SHQ1: variants seen among roughly 807,000 people sequenced by gnomAD.
SHQ1 encodes protein SHQ1 homolog.
Under a neutral mutation model 53.8 loss-of-function variants are expected in SHQ1, and 49 were observed. The ratio of observed to expected loss-of-function variants is 0.91; its 90% CI spans 0.72 to 1.16. SHQ1 has a LOEUF of 1.16. SHQ1 is among the 50% of genes most tolerant of loss of function. SHQ1 has a pLI of 0.00. For missense variants in SHQ1, 738 were observed against 683.1 expected (o/e 1.08, Z -0.90); for synonymous variants, 243 against 251.0 (o/e 0.97, Z 0.30).
At chr3:72,741,575 ACT>A in the SHQ1 span, among the ~76,000 whole-genome samples, 1 of 149,490 alleles carries the variant, frequency 6.7e-6, no homozygotes, top group African/African-American at 2.5e-5. Context: ...ACAGAGTGAG[ACT>A]CTGTCTCAAA....
downstream of SHQ1, among the ~76,000 whole-genome samples, chr3:72,748,189 C>A (rs190243802): frequency 7.9e-4 from 120 of 151,826 alleles, 1 homozygote; most frequent in African/African-American, 2.8e-3. Context: ...CAAAGCAAGA[C>A]CCATAAGGAT....
intron 9 of SHQ1, 123 bp from the exon 10 acceptor site, chr3:72,793,159 A>C (rs1706495003): frequency 2.4e-6 from 2 of 842,310 alleles, no homozygotes; most frequent in South Asian, 1.9e-5. Context: ...TAAATGCAAA[A>C]AAATTTATGA....
chr3:72,765,524 A>C (rs1333906850), intron 10 of SHQ1, among the ~76,000 whole-genome samples: 2 of 125,636 alleles, frequency 1.6e-5, no homozygotes, highest in Non-Finnish European at 3.2e-5. Flanking sequence ...TCCCAGATTC[A>C]CATGACATAT....
downstream of SHQ1, among the ~76,000 whole-genome samples, chr3:72,747,048 C>G (rs1353926134): frequency 6.6e-6 from 1 of 152,180 alleles, no homozygotes; most frequent in Non-Finnish European, 1.5e-5. Context: ...GTTAATACAA[C>G]CTGGAAAAGT....
chr3:72,746,501 G>A (rs181541450), downstream of SHQ1, among the ~76,000 whole-genome samples: 1 of 152,152 alleles, frequency 6.6e-6, no homozygotes, highest in East Asian at 1.9e-4. Flanking sequence ...ACAGAGTAAC[G>A]TGATATAACA....
chr3:72,750,406 G>C lies in SHQ1; in HGVS notation c.1612C>G (p.Leu538Val), dbSNP rs1167496475. The C allele has an allele frequency of 6.2e-7, 1 of 1,614,130 alleles. No individual in the cohort carries two copies. Among genetic ancestry groups the C allele is most frequent in the East Asian group, 2.2e-5 (1 of 44,880 alleles). Residue 538 changes from leucine (L) to valine (V), a missense_variant, in exon 11 of 11, where the codon CTG becomes GTG. Coordinates refer to ENST00000325599, the MANE Select transcript of SHQ1 (RefSeq NM_018130.3). ...SSWPLGVSGP[L>V]IEELGEQLKT... Reference sequence around the variant, plus strand: ...AGTTGTTCCCCAAGCTCCTCTATCAGAGGCCCAGACACTCCAAGAGGCCAG... The same window carrying C: ...AGTTGTTCCCCAAGCTCCTCTATCACAGGCCCAGACACTCCAAGAGGCCAG...
intron 6 of SHQ1, among the ~76,000 whole-genome samples, chr3:72,818,924 G>A (rs1575720459): frequency 2.6e-5 from 4 of 152,242 alleles, no homozygotes; most frequent in African/African-American, 9.6e-5. Context: ...ACTAAATTCT[G>A]CCAACAATCA....
At chr3:72,839,458 A>C (rs1313356579) in intron 4 of SHQ1, among the ~76,000 whole-genome samples, 1 of 152,216 alleles carries the variant, frequency 6.6e-6, no homozygotes, top group East Asian at 1.9e-4. Flanking sequence ...TGTTCCCTTT[A>C]AGGAATTTTG....
At chr3:72,816,103 C>G (rs1293699524) in intron 7 of SHQ1, among the ~76,000 whole-genome samples, 5 of 152,200 alleles carry the variant, frequency 3.3e-5, no homozygotes, top group Non-Finnish European at 2.9e-5. Context: ...ATCTTGGAGT[C>G]AGACACAAAT....
intron 10 of SHQ1, among the ~76,000 whole-genome samples, chr3:72,757,026 G>A (rs559550879): frequency 6.6e-6 from 1 of 152,322 alleles, no homozygotes. Context: ...AAATGTAGGG[G>A]CAGGGGGAAC....
the SHQ1 span, among the ~76,000 whole-genome samples, chr3:72,730,688 C>T: frequency 2.0e-5 from 3 of 152,098 alleles, no homozygotes; most frequent in African/African-American, 7.2e-5. Context: ...TTTCAGTGGA[C>T]GAAAATGGCC....
chr3:72,783,086 G>C (rs970379041), intron 10 of SHQ1, among the ~76,000 whole-genome samples: 5 of 152,084 alleles, frequency 3.3e-5, no homozygotes, highest in Non-Finnish European at 5.9e-5. Context: ...AAAAGCCATG[G>C]CTCCACCAAG....
the SHQ1 span, among the ~76,000 whole-genome samples, chr3:72,727,191 G>GCAATAGCAA: frequency 3.3e-5 from 5 of 152,170 alleles, no homozygotes; most frequent in African/African-American, 1.2e-4. Flanking sequence ...GCAATAGCAA[G>GCAATAGCAA]AATTCAGCTT....
At chr3:72,728,982 G>A in the SHQ1 span, among the ~76,000 whole-genome samples, 1 of 152,222 alleles carries the variant, frequency 6.6e-6, no homozygotes, top group Admixed American at 6.5e-5. Context: ...GTGCAAGGAA[G>A]CCAGCCGACC....
chr3:72,727,127 G>T, the SHQ1 span, among the ~76,000 whole-genome samples: 5 of 152,150 alleles, frequency 3.3e-5, no homozygotes, highest in African/African-American at 1.2e-4. Flanking sequence ...GGAACCAGGG[G>T]GTCCACGAAG....
intron 9 of SHQ1, among the ~76,000 whole-genome samples, chr3:72,800,536 C>T (rs1706755956): frequency 6.6e-6 from 1 of 152,232 alleles, no homozygotes; most frequent in African/African-American, 2.4e-5. Flanking sequence ...AATAAATCCA[C>T]TGTCAGTATT....
At chr3:72,747,848 G>C (rs1263886445), downstream of SHQ1, among the ~76,000 whole-genome samples, 4 of 148,124 alleles carry the variant, frequency 2.7e-5, no homozygotes, top group African/African-American at 1.1e-4. Flanking sequence ...AATTAGCCAG[G>C]TGTGGTGGTG....
At chr3:72,806,335 A>C (rs1706942316) in intron 9 of SHQ1, among the ~76,000 whole-genome samples, 1 of 152,172 alleles carries the variant, frequency 6.6e-6, no homozygotes. Context: ...TGGTCAGCAA[A>C]AACAGGTACA....
At chr3:72,745,438 G>T (rs1705242864), downstream of SHQ1, among the ~76,000 whole-genome samples, 2 of 152,174 alleles carry the variant, frequency 1.3e-5, no homozygotes, top group South Asian at 4.1e-4. Flanking sequence ...AAGGATAATG[G>T]GACAAGAGAG....
Sources: allele counts gnomAD v4.1 joint callset (sites outside exome capture counted in the v4.1 genomes callset), GRCh38; gene constraint gnomAD v4.1.1; transcripts MANE v1.5; gene names NCBI Gene and HGNC (gene_info 2026-07-23, HGNC 2026-07-21).